Variants in ADCY5 observed in about 807,000 individuals in gnomAD.
ADCY5 encodes the protein adenylate cyclase type 5.
Under a neutral mutation model 119.7 loss-of-function variants are expected in ADCY5, and 30 were observed. That is an observed-to-expected ratio of 0.25 (90% CI 0.19 to 0.34). ADCY5 has a LOEUF of 0.34. Ranked by LOEUF, ADCY5 falls within the 10% of genes least tolerant of loss-of-function variation. The pLI is 1.00. For missense variants in ADCY5, 1,324 were observed against 1,775.2 expected, an observed-to-expected ratio of 0.75 and a Z score of 4.57; for synonymous variants, 753 against 762.2, an observed-to-expected ratio of 0.99 and a Z score of 0.20.
chr3:123,421,911 C>T (rs1945311198), intron 1 of ADCY5, among the ~76,000 whole-genome samples: 2 of 152,198 alleles, frequency 1.3e-5, no homozygotes, highest in South Asian at 4.1e-4. Context: ...GTGCTAACCA[C>T]AGCCCTGGCC....
At chr3:123,447,374 C>T (rs961840650) in intron 1 of ADCY5, 38 bp downstream of exon 1, 8 of 1,477,156 alleles carry the variant, frequency 5.4e-6, no homozygotes, top group East Asian at 2.4e-5. Flanking sequence ...GGCCTGCCCG[C>T]CCCGCAATCC....
chr3:123,319,443 A>G (rs955010907), intron 10 of ADCY5, among the ~76,000 whole-genome samples: 3 of 152,106 alleles, frequency 2.0e-5, no homozygotes, highest in Non-Finnish European at 4.4e-5. Flanking sequence ...AACTGTCCCC[A>G]TTTTCCAGAT....
chr3:123,350,131 C>T (rs567661823), intron 2 of ADCY5, among the ~76,000 whole-genome samples: 2 of 152,342 alleles, frequency 1.3e-5, no homozygotes, highest in South Asian at 4.1e-4. Flanking sequence ...CACCCTCCTC[C>T]TCCGCTGCTC....
chr3:123,307,657 C>G lies in ADCY5; in HGVS notation c.2443-3474G>C, dbSNP rs779476095. Reference sequence around the variant, plus strand: ...TATCTCCATCCCCTTCCCTCACCCCCACCCCAACTCCTATTTGCCCTATGT... The same window carrying G: ...TATCTCCATCCCCTTCCCTCACCCCGACCCCAACTCCTATTTGCCCTATGT... On this transcript the variant is annotated intron_variant, in intron 12 of 20. Transcript: ENST00000462833. 2.6e-5 allele frequency among the ~76,000 whole-genome samples: 4 copies of G among 152,298 alleles called. 1 individual carries two copies. In the Middle Eastern group the frequency reaches 0.01, roughly 389 times the overall value.
chr3:123,346,200 G>C (rs561729554), intron 3 of ADCY5, among the ~76,000 whole-genome samples: 270 of 152,366 alleles, frequency 1.8e-3, no homozygotes, highest in Admixed American at 2.9e-3. Flanking sequence ...GAAGCAGCAG[G>C]GAAATGGCAC....
intron 1 of ADCY5, among the ~76,000 whole-genome samples, chr3:123,384,845 T>C (rs889132177): frequency 3.9e-5 from 6 of 152,138 alleles, no homozygotes; most frequent in Non-Finnish European, 8.8e-5. Flanking sequence ...AGCCAACCTT[T>C]GTCCTAGGAC....
intron 1 of ADCY5, among the ~76,000 whole-genome samples, chr3:123,427,916 A>T (rs1224929791): frequency 6.6e-6 from 1 of 152,196 alleles, no homozygotes; most frequent in East Asian, 1.9e-4. Flanking sequence ...CCCAACAATC[A>T]TTTAACACAG....
At chr3:123,350,224 G>A (rs373163124) in intron 2 of ADCY5, among the ~76,000 whole-genome samples, 2 of 152,304 alleles carry the variant, frequency 1.3e-5, no homozygotes, top group East Asian at 1.9e-4. Flanking sequence ...TCGCTGAAAC[G>A]CCACATCAGT....
At chr3:123,347,757 C>A in intron 3 of ADCY5, 25 bp downstream of exon 3, 1 of 1,613,452 alleles carries the variant, frequency 6.2e-7, no homozygotes, top group Non-Finnish European at 8.5e-7. Flanking sequence ...TCCCTTCCAT[C>A]CTCCTCCCCC....
Position 123,305,387 on chromosome 3 carries a change from A to G in ADCY5, c.2443-1204T>C, listed in dbSNP as rs192804937. On this transcript the variant is annotated intron_variant, in intron 12 of 20. Coordinates refer to ENST00000462833, the MANE Select transcript of ADCY5 (RefSeq NM_183357.3). ...GCCATAGCATGACCACCATGTGACC[A>G]CTTACTCCCAGTGGGGAGGGGAACT... Among the ~76,000 whole-genome samples, 22 of 152,278 alleles carry G rather than the reference A, an allele frequency of 1.4e-4. No homozygotes were observed. In the East Asian group the frequency reaches 3.9e-3, roughly 27 times the overall value.
chr3:123,444,697 G>GTTGAGGACCTGAGTTA (rs945072520), intron 1 of ADCY5, among the ~76,000 whole-genome samples: 2 of 152,216 alleles, frequency 1.3e-5, no homozygotes, highest in Non-Finnish European at 2.9e-5. Context: ...AGATAATGAT[G>GTTGAGGACCTGAGTTA]TTGAGGACCT....
chr3:123,294,464 C>T (rs1939366810), intron 17 of ADCY5, among the ~76,000 whole-genome samples: 1 of 152,230 alleles, frequency 6.6e-6, no homozygotes, highest in Admixed American at 6.5e-5. Flanking sequence ...GGGCTGACAT[C>T]ACCGGTGGTG....
intron 3 of ADCY5, among the ~76,000 whole-genome samples, chr3:123,346,191 A>T (rs1157725386): frequency 6.6e-6 from 1 of 152,156 alleles, no homozygotes; most frequent in African/African-American, 2.4e-5. Flanking sequence ...TGGGTGGGAG[A>T]AGCAGCAGGG....
chr3:123,383,335 G>A (rs1238716735), intron 1 of ADCY5, among the ~76,000 whole-genome samples: 2 of 152,216 alleles, frequency 1.3e-5, no homozygotes, highest in Non-Finnish European at 2.9e-5. Context: ...GCCCACAGCT[G>A]CCCTCCTCGC....
chr3:123,284,491 T>C lies in ADCY5; in HGVS notation c.*117A>G, dbSNP rs1050200771. 1.8e-5 allele frequency: 27 copies of C among 1,475,792 alleles called. No homozygotes were observed. The highest frequency in any genetic ancestry group is 7.0e-5 in the African/African-American group (5 of 71,520). The allele number at this position is 1,475,792 out of a possible 1,614,324, so 91.4% of individuals were successfully genotyped here. On this transcript the variant is annotated 3_prime_UTR_variant, in exon 21 of 21. Coordinates refer to ENST00000462833, the MANE Select transcript of ADCY5 (RefSeq NM_183357.3). ...GCTGCTCTGGAGTCCAAGTGGAAAATCTCAGCAGCGCAGCCCTGCGGGCTG... is the reference window on the plus strand; with the variant it reads ...GCTGCTCTGGAGTCCAAGTGGAAAACCTCAGCAGCGCAGCCCTGCGGGCTG...
At chr3:123,303,736 G>T (rs183870587) in intron 13 of ADCY5, among the ~76,000 whole-genome samples, 1 of 152,220 alleles carries the variant, frequency 6.6e-6, no homozygotes, top group African/African-American at 2.4e-5. Flanking sequence ...GAGGCAGGAG[G>T]ACCTCTTGAT....
chr3:123,336,880 C>T (rs938909045), intron 3 of ADCY5, among the ~76,000 whole-genome samples: 3 of 152,228 alleles, frequency 2.0e-5, no homozygotes, highest in South Asian at 4.1e-4. Context: ...CCAGGCATCT[C>T]GTAGAACCAC....
chr3:123,387,023 C>T (rs888407293), intron 1 of ADCY5, among the ~76,000 whole-genome samples: 1 of 152,196 alleles, frequency 6.6e-6, no homozygotes, highest in Non-Finnish European at 1.5e-5. Context: ...CAGGTACTCC[C>T]TCAGGCTCCA....
intron 1 of ADCY5, chr3:123,416,304 G>T: frequency 6.5e-7 from 1 of 1,535,962 alleles, no homozygotes; most frequent in Non-Finnish European, 8.7e-7. Context: ...CCCCAAAAAG[G>T]GGCTAAAGGC....
Sources: gnomAD v4.1 joint callset for allele counts (sites outside exome capture counted in the v4.1 genomes callset) on GRCh38, gnomAD v4.1.1 for gene constraint, MANE v1.5 for transcripts, NCBI Gene and HGNC (gene_info 2026-07-23, HGNC 2026-07-21) for gene names.